The following C9orf85 variants were observed in gnomAD, a reference collection of about 807,000 sequenced individuals.
The protein encoded by C9orf85 is uncharacterized protein C9orf85.
In C9orf85, 16 loss-of-function variants were observed where a neutral mutation model predicts 14.9. That is an observed-to-expected ratio of 1.08 (90% CI 0.73 to 1.63). C9orf85 has a LOEUF of 1.63. Ranked by LOEUF, C9orf85 falls within the 40% of genes most tolerant of loss-of-function variation. The probability of loss-of-function intolerance (pLI) is 0.00; values close to 1 mark genes in which losing one functional copy is unlikely to be tolerated. For synonymous variants in C9orf85, 45 were observed against 56.8 expected, an observed-to-expected ratio of 0.79 and a Z score of 0.93; for missense variants, 172 against 186.1, an observed-to-expected ratio of 0.92 and a Z score of 0.44.
chr9:71,948,458 T>G (rs941484367), intron 2 of C9orf85, among the ~76,000 whole-genome samples: 1 of 152,154 alleles, frequency 6.6e-6, no homozygotes, highest in African/African-American at 2.4e-5. Context: ...GTACTCCGTT[T>G]TGGAGCAGTC....
chr9:71,968,101 T>TATAG (rs1554709461), intron 2 of C9orf85, among the ~76,000 whole-genome samples: 9,780 of 146,694 alleles, frequency 0.067, 437 homozygotes, highest in African/African-American at 0.11. Context: ...TATATATATA[T>TATAG]AGAGAGAGAG....
chr9:71,956,988 T>C (rs944493816), intron 2 of C9orf85, among the ~76,000 whole-genome samples: 3 of 141,254 alleles, frequency 2.1e-5, no homozygotes, highest in Non-Finnish European at 4.6e-5. Context: ...GAAGACTGAC[T>C]TTTTTTTTTT....
chr9:71,914,866 C>T (rs547366751), intron 1 of C9orf85, among the ~76,000 whole-genome samples: 89 of 152,312 alleles, frequency 5.8e-4, no homozygotes, highest in African/African-American at 2.1e-3. Context: ...CACCGGTACC[C>T]TCAAATGACT....
chr9:71,976,619 G>A (rs1001077710), downstream of C9orf85, among the ~76,000 whole-genome samples: 2 of 149,482 alleles, frequency 1.3e-5, no homozygotes, highest in Admixed American at 6.7e-5. Flanking sequence ...CCGAGATCGC[G>A]CCACTGCACT....
At chr9:71,972,578 T>TA in intron 3 of C9orf85, 114 bp from the exon 4 acceptor site, 1 of 739,518 alleles carries the variant, frequency 1.4e-6, no homozygotes. Flanking sequence ...TCTTTATACT[T>TA]ACTTCATTAG....
chr9:71,939,863 G>A (rs1828287682), intron 1 of C9orf85, among the ~76,000 whole-genome samples: 1 of 152,092 alleles, frequency 6.6e-6, no homozygotes, highest in Admixed American at 6.6e-5. Flanking sequence ...TGGAACAATT[G>A]TACATCTGTA....
intron 1 of C9orf85, among the ~76,000 whole-genome samples, chr9:71,919,643 A>G (rs1394369758): frequency 6.6e-6 from 1 of 152,200 alleles, no homozygotes; most frequent in Non-Finnish European, 1.5e-5. Context: ...TATACATAAT[A>G]TTATACCTAA....
intron 1 of C9orf85, among the ~76,000 whole-genome samples, chr9:71,926,338 A>G (rs1827928893): frequency 6.6e-6 from 1 of 152,220 alleles, no homozygotes; most frequent in African/African-American, 2.4e-5. Context: ...ACAACTGGGG[A>G]ATTTTAATTT....
intron 1 of C9orf85, among the ~76,000 whole-genome samples, chr9:71,921,952 ATTATTT>A (rs1435182498): frequency 4.6e-4 from 54 of 117,942 alleles, no homozygotes; most frequent in African/African-American, 1.8e-3. Context: ...TATTATTATT[ATTATTT>A]TGAAACAGAG....
At chr9:71,927,676 T>C (rs1827964322) in intron 1 of C9orf85, among the ~76,000 whole-genome samples, 1 of 152,194 alleles carries the variant, frequency 6.6e-6, no homozygotes, top group South Asian at 2.1e-4. Context: ...GAAGCAATAG[T>C]AAGCAATCTA....
rs373558663 is a variant in C9orf85, at chr9:71,947,476, C to G, written c.209+364C>G. On this transcript the variant is annotated intron_variant, in intron 2 of 3. Transcript: ENST00000334731. ...TATCAATTCTTAAAACGGATCAGAC[C>G]TTTAGACCTTTTAATTCAACTCATG... Among the ~76,000 whole-genome samples, 19 of 152,178 alleles carry G rather than the reference C, an allele frequency of 1.2e-4. No individual in the cohort carries two copies. The East Asian group carries it at 2.3e-3, about 19-fold the overall frequency.
At chr9:71,962,856 G>T (rs2132339838) in intron 2 of C9orf85, among the ~76,000 whole-genome samples, 1 of 152,272 alleles carries the variant, frequency 6.6e-6, no homozygotes, top group South Asian at 2.1e-4. Flanking sequence ...AGGAGTTCGA[G>T]ACCAGCCCGG....
At chr9:71,982,760 C>G (rs1049189606) in exon 4 of C9orf85, 1 of 349,120 alleles carries the variant, frequency 2.9e-6, no homozygotes, top group Admixed American at 4.1e-5. Context: ...CTCAGCCTCT[C>G]GAGTAGCTGG....
At chr9:71,976,720 A>G (rs1018461976), downstream of C9orf85, among the ~76,000 whole-genome samples, 21 of 94,734 alleles carry the variant, frequency 2.2e-4, no homozygotes, top group African/African-American at 7.0e-4. Flanking sequence ...TCTGGAATAT[A>G]GCCCAGGATT....
chr9:71,938,854 A>G (rs551372774), intron 1 of C9orf85, among the ~76,000 whole-genome samples: 1 of 151,846 alleles, frequency 6.6e-6, no homozygotes, highest in Non-Finnish European at 1.5e-5. Context: ...ACTGTCAAAG[A>G]GTAGATAATA....
chr9:71,954,463 A>G (rs7855176), intron 2 of C9orf85, among the ~76,000 whole-genome samples: 29,000 of 152,084 alleles, frequency 0.19, 3,427 homozygotes, highest in African/African-American at 0.33. Context: ...ATAAAAGAAC[A>G]GCTACTCCAC....
chr9:71,958,551 C>T (rs1042799212), intron 2 of C9orf85, among the ~76,000 whole-genome samples: 1 of 151,972 alleles, frequency 6.6e-6, no homozygotes, highest in African/African-American at 2.4e-5. Context: ...CGTGAGCTAC[C>T]GCGCCCGGCC....
chr9:71,972,872 A>G lies in C9orf85; in HGVS notation c.*30A>G, dbSNP rs770137119. The stretch of plus-strand genomic sequence containing the variant: ...ACTGTATTAAAAGTCTGCCGGGCAC[A>G]GTGGCTCACGCCTGTAATCCCAACA... On this transcript the variant is annotated 3_prime_UTR_variant, in exon 4 of 4. Coordinates refer to ENST00000334731, the MANE Select transcript of C9orf85 (RefSeq NM_182505.5). The G allele has an allele frequency of 4.5e-6, 7 of 1,566,946 alleles. No homozygotes were observed. Among genetic ancestry groups the G allele is most frequent in the Non-Finnish European group, 6.1e-6 (7 of 1,152,642 alleles).
chr9:71,972,434 T>C (rs1822899218), intron 3 of C9orf85, among the ~76,000 whole-genome samples: 1 of 152,176 alleles, frequency 6.6e-6, no homozygotes, highest in Non-Finnish European at 1.5e-5. Flanking sequence ...TAATTTTGTA[T>C]TTTTAGTAGA....
Sources: allele counts gnomAD v4.1 joint callset (sites outside exome capture counted in the v4.1 genomes callset), GRCh38; gene constraint gnomAD v4.1.1; transcripts MANE v1.5; gene names NCBI Gene and HGNC (gene_info 2026-07-23, HGNC 2026-07-21).